Variants in VWA3B observed in about 807,000 individuals in gnomAD.
VWA3B encodes the protein von Willebrand factor A domain containing 3B.
A neutral mutation model predicts 158.3 loss-of-function variants in VWA3B; 138 were observed. That is an observed-to-expected ratio of 0.87 (90% CI 0.76 to 1.00). The LOEUF is 1.00. Ranked by LOEUF, VWA3B falls within the 50% of genes least tolerant of loss-of-function variation. The probability of loss-of-function intolerance (pLI) is 0.00; values close to 1 mark genes in which losing one functional copy is unlikely to be tolerated. For synonymous variants in VWA3B, 596 were observed against 587.3 expected (o/e 1.01, Z -0.21); for missense variants, 1,555 against 1,565.1 (o/e 0.99, Z 0.11).
chr2:98,165,973 A>T (rs1257941357), intron 8 of VWA3B, among the ~76,000 whole-genome samples: 1 of 152,140 alleles, frequency 6.6e-6, no homozygotes, highest in Non-Finnish European at 1.5e-5. Flanking sequence ...TGTGGCCTGA[A>T]TTGTGCCCCC....
intron 22 of VWA3B, among the ~76,000 whole-genome samples, chr2:98,276,868 G>A (rs904186188): frequency 2.0e-5 from 3 of 152,200 alleles, no homozygotes. Flanking sequence ...TCTGGAACAG[G>A]GTTGCCCTCC....
intron 8 of VWA3B, among the ~76,000 whole-genome samples, chr2:98,166,723 T>G (rs1341884179): frequency 6.6e-6 from 1 of 151,748 alleles, no homozygotes; most frequent in African/African-American, 2.4e-5. Context: ...TTGGATGTTA[T>G]TCCTAAAGGA....
chr2:98,192,295 G>C (rs914614141), intron 10 of VWA3B: 1 of 154,326 alleles, frequency 6.5e-6, no homozygotes, highest in African/African-American at 2.4e-5. Flanking sequence ...TAATCACCTG[G>C]GTGCAGGCGG....
Position 98,259,819 on chromosome 2 carries a change from G to A in VWA3B, c.2843+3645G>A, listed in dbSNP as rs1043366115. Among the ~76,000 whole-genome samples, 8 of 151,704 alleles carry A rather than the reference G, an allele frequency of 5.3e-5. No homozygotes were observed. The East Asian group carries it at 7.7e-4, about 15-fold the overall frequency. ...CCTCCTTTTTCTAGGTCCTTAAGGT[G>A]TAAATTTAGGTTGTTGATTTGAGAG... On this transcript the variant is annotated intron_variant, in intron 21 of 27. Transcript: ENST00000477737.
chr2:98,262,619 GT>G (rs1355588803), intron 21 of VWA3B, among the ~76,000 whole-genome samples: 5 of 151,894 alleles, frequency 3.3e-5, no homozygotes, highest in African/African-American at 9.6e-5. Context: ...TTCTGTTCCA[GT>G]ATTCAATATG....
downstream of VWA3B, among the ~76,000 whole-genome samples, chr2:98,314,789 G>A (rs568583471): frequency 5.9e-5 from 9 of 152,250 alleles, no homozygotes; most frequent in South Asian, 2.1e-4. Context: ...TTGGGAGGCC[G>A]AGGTGGGTGG....
chr2:98,189,267 C>T (rs1256683858), intron 10 of VWA3B, among the ~76,000 whole-genome samples: 2 of 152,132 alleles, frequency 1.3e-5, no homozygotes, highest in Non-Finnish European at 2.9e-5. Flanking sequence ...ATTAGCTAGG[C>T]ATGGTGGCGG....
chr2:98,311,809 C>G lies in VWA3B; in HGVS notation c.3522-10C>G. The G allele has an allele frequency of 6.3e-7, 1 of 1,587,416 alleles. No homozygotes were observed. The highest frequency in any genetic ancestry group is 8.6e-7 in the Non-Finnish European group (1 of 1,167,162). On this transcript the variant is annotated splice_polypyrimidine_tract_variant and intron_variant, in intron 26 of 27. Transcript: ENST00000477737. ...AAGGCAGGGTAACCCTGATCTCTCTCTGTCTCTAGAGAGGATGTGGAGGCG... is the reference window on the plus strand; with the variant it reads ...AAGGCAGGGTAACCCTGATCTCTCTGTGTCTCTAGAGAGGATGTGGAGGCG...
At chr2:98,223,569 G>A (rs1354465838) in intron 14 of VWA3B, among the ~76,000 whole-genome samples, 8 of 151,948 alleles carry the variant, frequency 5.3e-5, no homozygotes, top group Non-Finnish European at 1.0e-4. Context: ...GAAAATTAAA[G>A]ACAAAGAAAA....
intron 15 of VWA3B, among the ~76,000 whole-genome samples, chr2:98,228,673 A>T (rs954285167): frequency 6.6e-6 from 1 of 152,082 alleles, no homozygotes; most frequent in African/African-American, 2.4e-5. Context: ...ACTTCCCTCT[A>T]TGTGACTGTG....
intron 26 of VWA3B, among the ~76,000 whole-genome samples, chr2:98,310,086 T>G (rs865819274): frequency 6.6e-6 from 1 of 152,142 alleles, no homozygotes; most frequent in South Asian, 2.1e-4. Context: ...GCTTATCCAT[T>G]TCTTCATTCT....
chr2:98,179,842 TTC>T (rs1331868568), intron 8 of VWA3B, among the ~76,000 whole-genome samples: 1 of 144,146 alleles, frequency 6.9e-6, no homozygotes, highest in African/African-American at 2.6e-5. Context: ...CTTTCTTTCT[TTC>T]TCTCTTTTTC....
intron 8 of VWA3B, among the ~76,000 whole-genome samples, chr2:98,175,899 C>G (rs968157957): frequency 2.0e-5 from 3 of 152,218 alleles, no homozygotes; most frequent in African/African-American, 7.2e-5. Flanking sequence ...TTTCTTGGCT[C>G]CCCTGCAGTG....
intron 17 of VWA3B, 150 bp downstream of exon 17, chr2:98,234,917 T>C: frequency 8.0e-7 from 1 of 1,249,204 alleles, no homozygotes; most frequent in Middle Eastern, 2.8e-4. Context: ...GTAAGTCAGG[T>C]CTGCCTGCTT....
rs973835402 is a variant in VWA3B, at chr2:98,092,974, A to G, written c.-32-87A>G. 3 of 861,714 alleles carry G rather than the reference A, an allele frequency of 3.5e-6. No homozygotes were observed. The African/African-American group carries it at 5.1e-5, about 15-fold the overall frequency. The allele number at this position is 861,714 out of a possible 1,614,324, so 53.4% of individuals were successfully genotyped here. On this transcript the variant is annotated intron_variant, in intron 1 of 27. Coordinates refer to ENST00000477737, the MANE Select transcript of VWA3B (RefSeq NM_144992.5). ...AAATAGCATTCCACTTCATGGGTGT[A>G]CTATAATTTATGTTAAGCCAGTCCC... is the stretch of plus-strand genomic sequence containing the variant.
downstream of VWA3B, among the ~76,000 whole-genome samples, chr2:98,317,008 C>T (rs1691102286): frequency 6.6e-6 from 1 of 152,112 alleles, no homozygotes; most frequent in South Asian, 2.1e-4. Flanking sequence ...TTCTTTATCA[C>T]AATGTGAGAA....
At position 98,228,262 on chromosome 2, in the gene VWA3B, A is replaced by G. The variant is rs1685074350; in HGVS notation, c.2080A>G (p.Met694Val). Residue 694 changes from methionine (M) to valine (V), a missense_variant, in exon 15 of 28, where the codon ATG (methionine) becomes GTG (valine). Transcript: ENST00000477737. The stretch of plus-strand genomic sequence containing the variant: ...ACAGGGTCACAGTGATCTGGAGAAG[A>G]TGCAAGACCTTTATTCTGAGTCCTT... Reference protein sequence around the residue: ...MEQGHSDLEKMQDLYSESLIM... With the variant: ...MEQGHSDLEKVQDLYSESLIM... 6.2e-7 allele frequency: 1 copy of G among 1,614,016 alleles called. No homozygotes were observed. Among genetic ancestry groups the G allele is most frequent in the African/African-American group, 1.3e-5 (1 of 74,934 alleles).
intron 19 of VWA3B, among the ~76,000 whole-genome samples, chr2:98,249,459 G>A (rs1558725240): frequency 6.6e-6 from 1 of 152,280 alleles, no homozygotes; most frequent in South Asian, 2.1e-4. Flanking sequence ...GTAAGCGTCT[G>A]TTACCCTGTT....
In VWA3B at chr2:98,117,679, A is replaced by G. The variant is rs116343404; in HGVS notation, c.292-1834A>G. Among the ~76,000 whole-genome samples, 64 of 149,396 alleles carry G rather than the reference A, an allele frequency of 4.3e-4. 1 individual carries two copies. Among genetic ancestry groups the G allele is most frequent in the African/African-American group, 1.5e-3 (63 of 40,950 alleles). On this transcript the variant is annotated intron_variant, in intron 3 of 27. Transcript: ENST00000477737. The stretch of plus-strand genomic sequence containing the variant: ...TTCAGCCCTTGGAGAAACCTCCATG[A>G]TGGGGGTGGTAGGTTGCCTTCAGCT...
Sources: gnomAD v4.1 joint callset for allele counts (sites outside exome capture counted in the v4.1 genomes callset) on GRCh38, gnomAD v4.1.1 for gene constraint, MANE v1.5 for transcripts, NCBI Gene and HGNC (gene_info 2026-07-23, HGNC 2026-07-21) for gene names.